HSPA8: variants seen among roughly 807,000 people sequenced by gnomAD.
HSPA8 encodes heat shock cognate 71 kDa protein.
Under a neutral mutation model 52.8 loss-of-function variants are expected in HSPA8, and 2 were observed. That is an observed-to-expected ratio of 0.04 (90% CI 0.02 to 0.12). HSPA8 has a LOEUF of 0.12. HSPA8 is among the 10% of genes least tolerant of loss of function. The pLI, the probability that HSPA8 is intolerant of heterozygous loss-of-function variation, is 1.00. For synonymous variants in HSPA8, 436 were observed against 274.0 expected, an observed-to-expected ratio of 1.59 and a Z score of -5.84; for missense variants, 349 against 800.5, an observed-to-expected ratio of 0.44 and a Z score of 6.81.
chr11:123,058,226 G>GAC, intron 8 of HSPA8, 26 bp downstream of exon 8: 1 of 1,012,452 alleles, frequency 9.9e-7, no homozygotes, highest in Non-Finnish European at 1.4e-6. Context: ...AGTGGGGGAG[G>GAC]AAAAAAAAAA....
Position 123,059,059 on chromosome 11 carries a change from C to T in HSPA8, c.1323G>A (p.Gln441=), listed in dbSNP as rs1408699814. 6.2e-7 allele frequency: 1 copy of T among 1,612,212 alleles called. No individual in the cohort carries two copies. Among genetic ancestry groups the T allele is most frequent in the Non-Finnish European group, 8.5e-7 (1 of 1,178,912 alleles). ...AAACAAGAGAAGTACAGAAACATAC[C>T]TGAATAAGCACACCAGGCTGGTTGT... ...YSDNQPGVLI[Q]VYEGERAMTK... The change falls in exon 6 of 9, where the codon CAG becomes CAA. Residue 441 remains glutamine, a splice_region_variant and synonymous_variant. Transcript: ENST00000534624.
At chr11:123,061,470 C>T in intron 1 of HSPA8, 141 bp from the exon 2 acceptor site, 1 of 678,976 alleles carries the variant, frequency 1.5e-6, no homozygotes, top group Admixed American at 2.5e-5. Context: ...TAAGCACGCG[C>T]GAGGTCCAGA....
rs577056442 is a variant in HSPA8 at position 123,060,061 on chromosome 11, G to A, written c.565-33C>T. 2.0e-5 allele frequency: 33 copies of A among 1,613,904 alleles called. No individual in the cohort carries two copies. The Admixed American group carries it at 2.2e-4, about 11-fold the overall frequency. ...TAAAAACAATCTCATTTAAATTTAC[G>A]ATGGATCAAATTAATCTTAAAATAA... is the stretch of plus-strand genomic sequence containing the variant. On this transcript the variant is annotated intron_variant, in intron 4 of 8. Coordinates refer to ENST00000534624, the MANE Select transcript of HSPA8 (RefSeq NM_006597.6).
intron 1 of HSPA8, chr11:123,061,688 G>A (rs1225867660): frequency 2.9e-5 from 9 of 307,458 alleles, no homozygotes; most frequent in Middle Eastern, 1.1e-3. Context: ...CATACTGGAA[G>A]CACGCCAAGA....
In HSPA8 at chr11:123,060,660, T is replaced by C; in HGVS notation, c.344A>G (p.Tyr115Cys). 6.2e-7 allele frequency: 1 copy of C among 1,613,756 alleles called. No individual in the cohort carries two copies. Among genetic ancestry groups the C allele is most frequent in the Non-Finnish European group, 8.5e-7 (1 of 1,179,784 alleles). The change falls in exon 3 of 9, where the codon TAT becomes TGT. Residue 115 changes from tyrosine (Y) to cysteine (C), a missense_variant. By Grantham distance (194) the Tyr-to-Cys change is radical (BLOSUM62 -2). Coordinates refer to ENST00000534624, the MANE Select transcript of HSPA8 (RefSeq NM_006597.6). ...VEYKGETKSF[Y>C]PEEVSSMVLT... Reference sequence around the variant, plus strand: ...AACCATAGAAGACACCTCCTCTGGATAGAAGCTTTTGGTCTCTCCCTTGTA... The same window carrying C: ...AACCATAGAAGACACCTCCTCTGGACAGAAGCTTTTGGTCTCTCCCTTGTA...
rs776953199 is a variant in HSPA8, at chr11:123,061,075, C to G, written c.205+45G>C. 26 of 1,538,272 alleles carry G rather than the reference C, an allele frequency of 1.7e-5. No homozygotes were observed. In the Admixed American group the frequency reaches 2.7e-4, roughly 16 times the overall value. ...CACGTTTCATAAACTTTTGTGCTTC[C>G]TAGCCCTGTTATATTTGTTCTGTCA... On this transcript the variant is annotated intron_variant, in intron 2 of 8. Coordinates refer to ENST00000534624, the MANE Select transcript of HSPA8 (RefSeq NM_006597.6).
chr11:123,059,673 G>A lies in HSPA8; in HGVS notation c.920C>T (p.Ala307Val), dbSNP rs747578888. The A allele has an allele frequency of 3.7e-6, 6 of 1,614,084 alleles. No homozygotes were observed. In the South Asian group the frequency reaches 5.5e-5, roughly 15 times the overall value. Residue 307 changes from alanine to valine, a missense_variant, in exon 5 of 9, where the codon GCT becomes GTT. Transcript: ENST00000534624. ...ITRARFEELN[A>V]DLFRGTLDPV... ...GTCCAGGGTGCCACGGAACAGGTCA[G>A]CATTCAGTTCTTCAAATCGGGCACG...
Position 123,060,106 on chromosome 11 carries a change from T to C in HSPA8, c.564+10A>G, listed in dbSNP as rs1865447934. On this transcript the variant is annotated intron_variant, in intron 4 of 8. Coordinates refer to ENST00000534624, the MANE Select transcript of HSPA8 (RefSeq NM_006597.6). ...AAATAATCCGAACTTGCATCACAAATGGTACATACCTTTTTGTCTAAGCCG... is the reference window on the plus strand; with the variant it reads ...AAATAATCCGAACTTGCATCACAAACGGTACATACCTTTTTGTCTAAGCCG... The C allele has an allele frequency of 6.2e-7, 1 of 1,614,106 alleles. No individual in the cohort carries two copies. Among genetic ancestry groups the C allele is most frequent in the Non-Finnish European group, 8.5e-7 (1 of 1,179,972 alleles).
chr11:123,059,320 T>A (rs1432049043), intron 5 of HSPA8, 59 bp from the exon 6 acceptor site: 10 of 1,467,702 alleles, frequency 6.8e-6, no homozygotes, highest in Non-Finnish European at 9.5e-6. Context: ...ACATAGCTCC[T>A]GTTTTAACTA....
chr11:123,058,554 G>A (rs1001112689), intron 7 of HSPA8, 70 bp from the exon 8 acceptor site: 4 of 1,567,580 alleles, frequency 2.6e-6, no homozygotes, highest in South Asian at 2.2e-5. Flanking sequence ...GTTTCTCTTA[G>A]CTAGACGCCC....
chr11:123,057,986 G>T, intron 8 of HSPA8, 67 bp from the exon 9 acceptor site: 1 of 1,265,122 alleles, frequency 7.9e-7, no homozygotes. Flanking sequence ...TCTCCCTGAC[G>T]CAATCTGATA....
intron 6 of HSPA8, 63 bp downstream of exon 6, chr11:123,058,996 G>C (rs1591436820): frequency 4.0e-6 from 6 of 1,483,198 alleles, no homozygotes; most frequent in Non-Finnish European, 5.6e-6. Flanking sequence ...ATCATAGCGA[G>C]TCAGTCAAGA....
intron 3 of HSPA8, 21 bp downstream of exon 3, chr11:123,060,570 CCA>C: frequency 6.4e-7 from 1 of 1,569,050 alleles, no homozygotes; most frequent in Non-Finnish European, 8.8e-7. Context: ...GGAATGCACC[CCA>C]TACTGAAAAA....
rs1423967205 is a variant in HSPA8 at position 123,060,071 on chromosome 11, A to G, written c.565-43T>C. ...CTCATTTAAATTTACGATGGATCAA[A>G]TTAATCTTAAAATAATCCGAACTTG... On this transcript the variant is annotated intron_variant, in intron 4 of 8. Coordinates refer to ENST00000534624, the MANE Select transcript of HSPA8 (RefSeq NM_006597.6). 6.2e-6 allele frequency: 10 copies of G among 1,613,978 alleles called. No individual in the cohort carries two copies. The South Asian group carries it at 1.1e-4, about 18-fold the overall frequency.
At position 123,058,616 on chromosome 11, in the gene HSPA8, G is replaced by A; in HGVS notation, c.1522+16C>T. On this transcript the variant is annotated intron_variant, in intron 7 of 8. Transcript: ENST00000534624. Reference sequence around the variant, plus strand: ...ACCATTATCCCTGTCAAGACCAGATGACAGTGCCTCCTTACCCTTGTCATT... The same window carrying A: ...ACCATTATCCCTGTCAAGACCAGATAACAGTGCCTCCTTACCCTTGTCATT... The A allele has an allele frequency of 6.2e-7, 1 of 1,605,872 alleles. No individual in the cohort carries two copies. The highest frequency in any genetic ancestry group is 2.2e-5 in the East Asian group (1 of 44,852).
Position 123,060,686 on chromosome 11 carries a change from T to C in HSPA8, c.318A>G (p.Glu106=). The change falls in exon 3 of 9, where the codon GAA becomes GAG. Residue 106 remains glutamate, a synonymous_variant. Transcript: ENST00000534624. ...AGAAGCTTTTGGTCTCTCCCTTGTA[T>C]TCTACTTGGACCTTGGGCCTGCCAG... ...NDAGRPKVQV[E]YKGETKSFYP... 2 of 1,613,736 alleles carry C rather than the reference T, an allele frequency of 1.2e-6. No homozygotes were observed. Among genetic ancestry groups the C allele is most frequent in the Non-Finnish European group, 8.5e-7 (1 of 1,179,718 alleles).
At position 123,059,885 on chromosome 11, in the gene HSPA8, T is replaced by C. The variant is rs373526651; in HGVS notation, c.708A>G (p.Arg236=). 2.0e-5 allele frequency: 33 copies of C among 1,613,308 alleles called. No homozygotes were observed. The highest frequency in any genetic ancestry group is 2.2e-5 in the East Asian group (1 of 44,872). ...THLGGEDFDN[R]MVNHFIAEFK... ...ACTCAGCAATAAAATGGTTGACCAT[T>C]CGGTTGTCAAAATCTTCTCCACCCA... Residue 236 remains arginine, a synonymous_variant, in exon 5 of 9, where the codon CGA becomes CGG. Coordinates refer to ENST00000534624, the MANE Select transcript of HSPA8 (RefSeq NM_006597.6).
At position 123,059,197 on chromosome 11, in the gene HSPA8, A is replaced by G. The variant is rs1468507287; in HGVS notation, c.1185T>C (p.Asp395=). The G allele has an allele frequency of 6.2e-7, 1 of 1,612,194 alleles. No homozygotes were observed. Among genetic ancestry groups the G allele is most frequent in the Non-Finnish European group, 8.5e-7 (1 of 1,179,990 alleles). Residue 395 remains aspartate (D), a synonymous_variant, in exon 6 of 9, where the codon GAT becomes GAC. Coordinates refer to ENST00000534624, the MANE Select transcript of HSPA8 (RefSeq NM_006597.6). ...SENVQDLLLL[D]VTPLSLGIET... The stretch of plus-strand genomic sequence containing the variant: ...CAATACCAAGGGAAAGAGGAGTGAC[A>G]TCCAAGAGCAGCAAATCTTGAACAT...
In HSPA8 at chr11:123,058,591, A is replaced by G. The variant is rs561503650; in HGVS notation, c.1522+41T>C. The G allele has an allele frequency of 5.0e-6, 8 of 1,584,644 alleles. No homozygotes were observed. In the African/African-American group the frequency reaches 8.1e-5, roughly 16 times the overall value. On this transcript the variant is annotated intron_variant, in intron 7 of 8. Coordinates refer to ENST00000534624, the MANE Select transcript of HSPA8 (RefSeq NM_006597.6). ...TAGGCACCAGTAACTCAATTGAAAT[A>G]CCATTATCCCTGTCAAGACCAGATG...
Sources: gnomAD v4.1 joint callset for allele counts on GRCh38, gnomAD v4.1.1 for gene constraint, MANE v1.5 for transcripts, NCBI Gene and HGNC (gene_info 2026-07-23, HGNC 2026-07-21) for gene names.